NCOA1: variants seen among roughly 807,000 people sequenced by gnomAD.
The protein encoded by NCOA1 is nuclear receptor coactivator 1.
NCOA1 carries 35 observed loss-of-function variants against 150.9 expected under a neutral mutation model. The ratio of observed to expected loss-of-function variants is 0.23; its 90% CI spans 0.18 to 0.31. The LOEUF is 0.31. NCOA1 is among the 10% of genes least tolerant of loss of function. The probability of loss-of-function intolerance (pLI) is 1.00; values close to 1 mark genes in which losing one functional copy is unlikely to be tolerated. For synonymous variants in NCOA1, 590 were observed against 630.0 expected (o/e 0.94, Z 0.95); for missense variants, 1,491 against 1,749.3 (o/e 0.85, Z 2.63).
intron 1 of NCOA1, among the ~76,000 whole-genome samples, chr2:24,495,191 C>T (rs1663152269): frequency 1.4e-5 from 2 of 138,232 alleles, no homozygotes; most frequent in African/African-American, 2.6e-5. Context: ...TTATATATTT[C>T]TGCAGGATAC....
chr2:24,759,064 TC>T (rs755883983), intron 21 of NCOA1, among the ~76,000 whole-genome samples: 1 of 150,274 alleles, frequency 6.7e-6, no homozygotes, highest in East Asian at 1.9e-4. Context: ...TGAAACATTT[TC>T]TTCATCTCTA....
chr2:24,661,050 A>G (rs1035033140), intron 5 of NCOA1, among the ~76,000 whole-genome samples: 6 of 152,148 alleles, frequency 3.9e-5, no homozygotes, highest in Non-Finnish European at 8.8e-5. Flanking sequence ...AACAAGAGCA[A>G]AACTCCGGCT....
intron 1 of NCOA1, among the ~76,000 whole-genome samples, chr2:24,550,181 T>C (rs962954314): frequency 2.6e-5 from 4 of 152,202 alleles, no homozygotes; most frequent in African/African-American, 9.7e-5. Context: ...TTTCCTCTCT[T>C]CTTCTGAGCA....
intron 3 of NCOA1, among the ~76,000 whole-genome samples, chr2:24,638,625 C>G (rs1011713417): frequency 6.6e-6 from 1 of 152,130 alleles, no homozygotes; most frequent in African/African-American, 2.4e-5. Context: ...TAAGAGTTCT[C>G]TTTTCTCCAC....
At chr2:24,633,536 G>A (rs1198856492) in intron 3 of NCOA1, among the ~76,000 whole-genome samples, 2 of 152,116 alleles carry the variant, frequency 1.3e-5, no homozygotes, top group East Asian at 3.9e-4. Context: ...AGTGCTTGGC[G>A]TAATGGATGA....
chr2:24,598,387 A>G (rs1667968400), intron 3 of NCOA1, among the ~76,000 whole-genome samples: 1 of 152,344 alleles, frequency 6.6e-6, no homozygotes, highest in East Asian at 1.9e-4. Context: ...CTATATTGGA[A>G]TCTTTAAGGG....
At chr2:24,594,543 A>G (rs969781190) in intron 3 of NCOA1, among the ~76,000 whole-genome samples, 1 of 152,150 alleles carries the variant, frequency 6.6e-6, no homozygotes, top group Non-Finnish European at 1.5e-5. Flanking sequence ...TGCACAAAAG[A>G]TGTACATCAG....
intron 5 of NCOA1, among the ~76,000 whole-genome samples, chr2:24,664,562 G>T (rs533749370): frequency 6.6e-6 from 1 of 152,072 alleles, no homozygotes; most frequent in Non-Finnish European, 1.5e-5. Flanking sequence ...ACAAAAATTA[G>T]CCAGGCATGG....
At chr2:24,671,856 G>T (rs1189372476) in intron 6 of NCOA1, among the ~76,000 whole-genome samples, 4 of 152,136 alleles carry the variant, frequency 2.6e-5, no homozygotes, top group Admixed American at 6.5e-5. Flanking sequence ...GAGCCACCTT[G>T]CCTGGCCCAT....
chr2:24,564,598 A>G (rs1457864916), intron 2 of NCOA1, 168 bp downstream of exon 2: 3 of 152,238 alleles, frequency 2.0e-5, no homozygotes, highest in African/African-American at 7.2e-5. Context: ...CAAAGAAACC[A>G]ACTGAGAAAA....
At chr2:24,665,706 G>T in intron 5 of NCOA1, 43 bp from the exon 6 acceptor site, 1 of 1,397,528 alleles carries the variant, frequency 7.2e-7, no homozygotes. Context: ...AAGGAAATAT[G>T]GTGATACAAA....
chr2:24,518,223 AAG>A (rs1009440102), intron 1 of NCOA1, among the ~76,000 whole-genome samples: 7 of 152,158 alleles, frequency 4.6e-5, no homozygotes, highest in Admixed American at 3.9e-4. Context: ...ACAGACTAAA[AAG>A]GAAAAAAATA....
chr2:24,612,197 T>G (rs1389701891), intron 3 of NCOA1, among the ~76,000 whole-genome samples: 1 of 152,228 alleles, frequency 6.6e-6, no homozygotes, highest in Non-Finnish European at 1.5e-5. Flanking sequence ...GATATTAAAT[T>G]CTTGGTTGGA....
chr2:24,767,580 G>A (rs952957508), intron 22 of NCOA1, among the ~76,000 whole-genome samples: 5 of 152,162 alleles, frequency 3.3e-5, no homozygotes, highest in African/African-American at 1.2e-4. Flanking sequence ...GTTAATTTTA[G>A]CTCATGTGTT....
chr2:24,537,595 G>A (rs1383423885), intron 1 of NCOA1, among the ~76,000 whole-genome samples: 1 of 151,902 alleles, frequency 6.6e-6, no homozygotes, highest in African/African-American at 2.4e-5. Flanking sequence ...GTGAGGAAAT[G>A]GGGATATGTA....
chr2:24,689,454 G>C (rs1230728647), intron 8 of NCOA1, among the ~76,000 whole-genome samples: 3 of 151,896 alleles, frequency 2.0e-5, no homozygotes, highest in Non-Finnish European at 4.4e-5. Flanking sequence ...TGTCACCCAG[G>C]CTGGAGTGCA....
At chr2:24,532,111 A>G (rs528490926) in intron 1 of NCOA1, among the ~76,000 whole-genome samples, 4 of 152,152 alleles carry the variant, frequency 2.6e-5, no homozygotes, top group Non-Finnish European at 5.9e-5. Flanking sequence ...CATCCTCTCC[A>G]GCATCTGTTG....
chr2:24,688,874 TTTTGGG>T (rs2148554050), intron 8 of NCOA1, among the ~76,000 whole-genome samples: 1 of 152,318 alleles, frequency 6.6e-6, no homozygotes, highest in African/African-American at 2.4e-5. Context: ...TTTTTTATAG[TTTTGGG>T]TTTTACATTT....
At chr2:24,608,830 C>T (rs933637217) in intron 3 of NCOA1, among the ~76,000 whole-genome samples, 1 of 149,416 alleles carries the variant, frequency 6.7e-6, no homozygotes, top group Non-Finnish European at 1.5e-5. Flanking sequence ...TTCTGGTTTT[C>T]CTTATTTTTG....
Sources: gnomAD v4.1 joint callset for allele counts (sites outside exome capture counted in the v4.1 genomes callset) on GRCh38, gnomAD v4.1.1 for gene constraint, MANE v1.5 for transcripts, NCBI Gene and HGNC (gene_info 2026-07-23, HGNC 2026-07-21) for gene names.